Variants in MYO5A observed in about 807,000 individuals in gnomAD.
MYO5A encodes the protein unconventional myosin-Va.
A neutral mutation model predicts 249.7 loss-of-function variants in MYO5A; 98 were observed. The ratio of observed to expected loss-of-function variants is 0.39; its 90% CI spans 0.33 to 0.46. MYO5A has a LOEUF of 0.46. Ranked by LOEUF, MYO5A falls within the 20% of genes least tolerant of loss-of-function variation. The pLI is 0.98. For missense variants in MYO5A, 1,696 were observed against 2,308.8 expected (o/e 0.73, Z 5.44); for synonymous variants, 778 against 810.6 (o/e 0.96, Z 0.68).
At chr15:52,320,028 G>T (rs1182552066) in intron 38 of MYO5A, among the ~76,000 whole-genome samples, 1 of 152,170 alleles carries the variant, frequency 6.6e-6, no homozygotes. Flanking sequence ...AGTAAGAAAA[G>T]CAGGGCACTG....
intron 4 of MYO5A, among the ~76,000 whole-genome samples, chr15:52,420,882 A>G (rs940971): frequency 0.15 from 22,423 of 152,184 alleles, 1,785 homozygotes; most frequent in Middle Eastern, 0.22. Flanking sequence ...GAAAGGCTTC[A>G]GAGTCTCAAA....
intron 1 of MYO5A, among the ~76,000 whole-genome samples, chr15:52,513,767 G>A (rs564396169): frequency 3.5e-4 from 53 of 152,246 alleles, no homozygotes; most frequent in Non-Finnish European, 6.6e-4. Context: ...AACTAGGCTG[G>A]GGAAGTAAGT....
chr15:52,457,651 A>G (rs1371038232), intron 1 of MYO5A, among the ~76,000 whole-genome samples: 1 of 152,202 alleles, frequency 6.6e-6, no homozygotes. Context: ...ATTCTTATAC[A>G]TTGTTGGTGG....
At position 52,474,733 on chromosome 15, in the gene MYO5A, T is replaced by A. The variant is rs138672035; in HGVS notation, c.28-41448A>T. On this transcript the variant is annotated intron_variant, in intron 1 of 41. Transcript: ENST00000399233. ...TTGAACCAGCCTTGCATCCCAGGGA[T>A]GAGGTCCGCTTGATCATGGTGGATA... 5.5e-3 allele frequency among the ~76,000 whole-genome samples: 836 copies of A among 152,350 alleles called. 9 individuals carry two copies. Among genetic ancestry groups the A allele is most frequent in the African/African-American group, 0.019 (804 of 41,572 alleles).
chr15:52,462,819 T>C (rs572154699), intron 1 of MYO5A, among the ~76,000 whole-genome samples: 4 of 149,690 alleles, frequency 2.7e-5, no homozygotes, highest in Non-Finnish European at 3.0e-5. Context: ...CTGCACTCCA[T>C]CCTGGGCGAC....
At chr15:52,346,332 C>G in intron 30 of MYO5A, 29 bp downstream of exon 30, 1 of 1,395,496 alleles carries the variant, frequency 7.2e-7, no homozygotes, top group Non-Finnish European at 1.0e-6. Flanking sequence ...ATAATTAAAC[C>G]AAAATGAATA....
chr15:52,409,706 TGATAAACCC>T (rs1312514799), intron 6 of MYO5A, among the ~76,000 whole-genome samples: 10 of 152,290 alleles, frequency 6.6e-5, no homozygotes, highest in Non-Finnish European at 1.5e-4. Flanking sequence ...TGACAGTGTG[TGATAAACCC>T]ATACCTATAA....
At chr15:52,491,208 T>C (rs575331724) in intron 1 of MYO5A, among the ~76,000 whole-genome samples, 14 of 152,366 alleles carry the variant, frequency 9.2e-5, no homozygotes, top group Admixed American at 2.6e-4. Flanking sequence ...TCTCCAAAGA[T>C]GACCTACGAT....
chr15:52,329,988 C>CCT (rs1555427769), intron 35 of MYO5A, among the ~76,000 whole-genome samples: 1 of 100,276 alleles, frequency 1.0e-5, no homozygotes, highest in East Asian at 3.4e-4. Flanking sequence ...TTTTCTTTTT[C>CCT]TTTTTTTTTT....
At chr15:52,495,073 T>C (rs2077011565) in intron 1 of MYO5A, among the ~76,000 whole-genome samples, 1 of 152,192 alleles carries the variant, frequency 6.6e-6, no homozygotes, top group South Asian at 2.1e-4. Context: ...TATATCAAAA[T>C]ATATTTAAGC....
chr15:52,349,594 G>A (rs539196294), intron 28 of MYO5A, among the ~76,000 whole-genome samples: 1 of 152,204 alleles, frequency 6.6e-6, no homozygotes, highest in East Asian at 1.9e-4. Context: ...CTGTTTTTAT[G>A]TCCTTTGCTT....
At chr15:52,505,895 A>T in intron 1 of MYO5A, 1 of 1,545,380 alleles carries the variant, frequency 6.5e-7, no homozygotes, top group East Asian at 2.2e-5. Flanking sequence ...TTTAAATAAA[A>T]GCTTGAAAGA....
At chr15:52,367,173 C>T (rs1281472473) in intron 22 of MYO5A, 49 bp from the exon 23 acceptor site, 1 of 1,485,586 alleles carries the variant, frequency 6.7e-7, no homozygotes, top group South Asian at 1.1e-5. Context: ...ACAGAGGAAG[C>T]CTGATGACCA....
At chr15:52,449,794 G>T (rs1435640510) in intron 1 of MYO5A, among the ~76,000 whole-genome samples, 1 of 152,206 alleles carries the variant, frequency 6.6e-6, no homozygotes, top group Non-Finnish European at 1.5e-5. Flanking sequence ...GAGTCCAGGA[G>T]TTCAAGATCA....
chr15:52,446,679 G>A (rs1420221208), intron 1 of MYO5A, among the ~76,000 whole-genome samples: 2 of 152,218 alleles, frequency 1.3e-5, no homozygotes, highest in African/African-American at 4.8e-5. Flanking sequence ...CAACCCATAA[G>A]AACAGCCCTA....
chr15:52,479,261 A>T (rs2076665737), intron 1 of MYO5A, among the ~76,000 whole-genome samples: 1 of 152,152 alleles, frequency 6.6e-6, no homozygotes, highest in Non-Finnish European at 1.5e-5. Flanking sequence ...TACAGGAGTG[A>T]GCCACTGCGC....
intron 1 of MYO5A, among the ~76,000 whole-genome samples, chr15:52,445,324 CA>C (rs886114940): frequency 6.6e-6 from 1 of 152,160 alleles, no homozygotes; most frequent in African/African-American, 2.4e-5. Flanking sequence ...CCTTGCTTTC[CA>C]CCGTGAAAGC....
intron 1 of MYO5A, among the ~76,000 whole-genome samples, chr15:52,487,503 C>A (rs1595776155): frequency 6.6e-6 from 1 of 152,040 alleles, no homozygotes; most frequent in Non-Finnish European, 1.5e-5. Context: ...GCAAGTAGAT[C>A]ACCTGAGGTC....
chr15:52,522,048 C>CTCCAA (rs1249058713), intron 1 of MYO5A, among the ~76,000 whole-genome samples: 1 of 152,212 alleles, frequency 6.6e-6, no homozygotes, highest in Admixed American at 6.5e-5. Context: ...CAGCCATGAT[C>CTCCAA]TCCAATGCCA....
Sources: allele counts gnomAD v4.1 joint callset (sites outside exome capture counted in the v4.1 genomes callset), GRCh38; gene constraint gnomAD v4.1.1; transcripts MANE v1.5; gene names NCBI Gene and HGNC (gene_info 2026-07-23, HGNC 2026-07-21).